Variants in NRXN1 observed in about 807,000 individuals in gnomAD.
The protein encoded by NRXN1 is neurexin-1.
In NRXN1, 39 loss-of-function variants were observed where a neutral mutation model predicts 150.9. The observed-to-expected ratio is 0.26, with a 90% CI of 0.20 to 0.34. The LOEUF is 0.34. NRXN1 is among the 10% of genes least tolerant of loss of function. The probability of loss-of-function intolerance (pLI) is 1.00; values close to 1 mark genes in which losing one functional copy is unlikely to be tolerated. For missense variants in NRXN1, 1,815 were observed against 1,949.9 expected (o/e 0.93, Z 1.30); for synonymous variants, 924 against 757.0 (o/e 1.22, Z -3.62).
At chr2:50,589,881 C>T (rs368391415) in intron 8 of NRXN1, among the ~76,000 whole-genome samples, 23 of 152,300 alleles carry the variant, frequency 1.5e-4, no homozygotes, top group Admixed American at 3.9e-4. Context: ...TTCCTAGGCA[C>T]GTGCACCCTC....
intron 8 of NRXN1, among the ~76,000 whole-genome samples, chr2:50,606,606 CAAT>C (rs3053107): frequency 1.2e-3 from 170 of 146,960 alleles, no homozygotes; most frequent in Middle Eastern, 3.6e-3. Flanking sequence ...GCTGCTCATA[CAAT>C]AATAATAATA....
chr2:50,166,665 C>T (rs12478889), intron 18 of NRXN1, among the ~76,000 whole-genome samples: 9,022 of 152,106 alleles, frequency 0.059, 319 homozygotes, highest in Middle Eastern at 0.11. Context: ...GATACAGATG[C>T]TAAAACCTAT....
chr2:49,959,090 T>C (rs1675474163), intron 21 of NRXN1, among the ~76,000 whole-genome samples: 2 of 152,186 alleles, frequency 1.3e-5, no homozygotes, highest in Admixed American at 1.3e-4. Flanking sequence ...CTCAGTAATA[T>C]TTTCACTATG....
intron 21 of NRXN1, among the ~76,000 whole-genome samples, chr2:49,944,019 C>T (rs2104384455): frequency 6.6e-6 from 1 of 152,306 alleles, no homozygotes; most frequent in Middle Eastern, 3.4e-3. Context: ...ATGGTGACAG[C>T]CAACTTGTAG....
chr2:50,441,379 A>C (rs1456049276), intron 17 of NRXN1, among the ~76,000 whole-genome samples: 1 of 152,170 alleles, frequency 6.6e-6, no homozygotes, highest in Non-Finnish European at 1.5e-5. Context: ...GGTGTGAATA[A>C]GTAGAGATAT....
chr2:50,661,304 G>A (rs1405571745), intron 5 of NRXN1, among the ~76,000 whole-genome samples: 2 of 152,030 alleles, frequency 1.3e-5, no homozygotes, highest in Non-Finnish European at 2.9e-5. Context: ...CACGAGATAT[G>A]TCTGTGGTCC....
rs1043636267 is a variant in NRXN1 at position 50,426,273 on chromosome 2, C to T, written c.3364+39169G>A. ...TGCCACCAATTGTGTTTCTTAGTTG[C>T]TGTAACTGTAAGAGATTGTATAGGT... On this transcript the variant is annotated intron_variant, in intron 17 of 22. Coordinates refer to ENST00000401669, the MANE Select transcript of NRXN1 (RefSeq NM_001330078.2). Among the ~76,000 whole-genome samples, 4 of 152,276 alleles carry T rather than the reference C, an allele frequency of 2.6e-5. No homozygotes were observed. In the South Asian group the frequency reaches 8.3e-4, roughly 32 times the overall value.
chr2:50,776,538 C>G (rs1230170142), intron 5 of NRXN1, among the ~76,000 whole-genome samples: 1 of 151,226 alleles, frequency 6.6e-6, no homozygotes, highest in Non-Finnish European at 1.5e-5. Flanking sequence ...AACAATTGAA[C>G]AATTGAAACA....
intron 17 of NRXN1, among the ~76,000 whole-genome samples, chr2:50,341,226 G>A (rs569386496): frequency 6.6e-6 from 1 of 152,184 alleles, no homozygotes; most frequent in South Asian, 2.1e-4. Context: ...AAAATGAAAG[G>A]AATATACTCC....
intron 18 of NRXN1, among the ~76,000 whole-genome samples, chr2:50,200,814 C>T (rs999617295): frequency 6.6e-6 from 1 of 152,100 alleles, no homozygotes; most frequent in African/African-American, 2.4e-5. Context: ...TTCCTAAGAA[C>T]CTTCTGGAAC....
intron 18 of NRXN1, among the ~76,000 whole-genome samples, chr2:50,201,146 G>A (rs897646459): frequency 1.8e-4 from 27 of 152,038 alleles, no homozygotes; most frequent in African/African-American, 6.3e-4. Context: ...CCAAGGCACC[G>A]TACTAAATGC....
intron 17 of NRXN1, among the ~76,000 whole-genome samples, chr2:50,359,090 C>T (rs927534743): frequency 2.0e-5 from 3 of 152,138 alleles, no homozygotes; most frequent in African/African-American, 7.2e-5. Context: ...CACGCAAAAA[C>T]TCCATCTGAA....
chr2:50,528,821 G>A (rs2093025553), intron 11 of NRXN1, 170 bp from the exon 12 acceptor site: 3 of 496,604 alleles, frequency 6.0e-6, no homozygotes, highest in Non-Finnish European at 1.1e-5. Context: ...TGTTATAAAA[G>A]TTTACCATTG....
chr2:50,451,142 C>T (rs938218558), intron 17 of NRXN1, among the ~76,000 whole-genome samples: 3 of 152,024 alleles, frequency 2.0e-5, no homozygotes, highest in African/African-American at 7.2e-5. Flanking sequence ...AATATTTTTG[C>T]ATTTTTTGTA....
chr2:50,534,124 C>T (rs1029014449), intron 10 of NRXN1, among the ~76,000 whole-genome samples: 1 of 151,860 alleles, frequency 6.6e-6, no homozygotes, highest in African/African-American at 2.4e-5. Context: ...CACACACACA[C>T]ACACATACAC....
chr2:50,049,615 T>C (rs1330701714), intron 21 of NRXN1, among the ~76,000 whole-genome samples: 1 of 152,148 alleles, frequency 6.6e-6, no homozygotes, highest in African/African-American at 2.4e-5. Flanking sequence ...AAATGTGCTA[T>C]AAAGAACATT....
chr2:50,069,185 A>G (rs368402339), intron 19 of NRXN1, among the ~76,000 whole-genome samples: 48 of 152,162 alleles, frequency 3.2e-4, no homozygotes, highest in African/African-American at 1.0e-3. Context: ...TCCATATATT[A>G]ATGCTTCAAA....
chr2:50,709,659 C>T (rs376665724), intron 5 of NRXN1, among the ~76,000 whole-genome samples: 12 of 152,114 alleles, frequency 7.9e-5, no homozygotes, highest in African/African-American at 2.9e-4. Context: ...TGAAAATACC[C>T]GAAATCTGCT....
rs113380721 is a variant in NRXN1, at chr2:49,921,995, C to T, written c.4473G>A (p.Ala1491=). 2.6e-3 allele frequency: 4,255 copies of T among 1,614,056 alleles called. 9 individuals are homozygous for T. The highest frequency in any genetic ancestry group is 3.3e-3 in the Non-Finnish European group (3,849 of 1,180,006). ...TTTTCTTATTTTTGTTGGAGCTTTT[C>T]GCACTGCTGGGTTGTTTCTCCTTTA... ...AVVKEKQPSS[A]KSSNKNKKNK... is the part of the protein sequence containing the mutation. Residue 1491 remains alanine (A), a synonymous_variant, in exon 23 of 23, where the codon GCG becomes GCA. Transcript: ENST00000401669.
Sources: gnomAD v4.1 joint callset for allele counts (sites outside exome capture counted in the v4.1 genomes callset) on GRCh38, gnomAD v4.1.1 for gene constraint, MANE v1.5 for transcripts, NCBI Gene and HGNC (gene_info 2026-07-23, HGNC 2026-07-21) for gene names.